Variants in MAGI1 observed in about 807,000 individuals in gnomAD.
The protein encoded by MAGI1 is membrane-associated guanylate kinase, WW and PDZ domain-containing protein 1.
MAGI1 carries 58 observed loss-of-function variants against 139.9 expected under a neutral mutation model. That is an observed-to-expected ratio of 0.41 (90% CI 0.34 to 0.52). The LOEUF (loss-of-function observed/expected upper bound fraction) is 0.52, where lower values mean the gene tolerates loss of function less well. Ranked by LOEUF, MAGI1 falls within the 20% of genes least tolerant of loss-of-function variation. MAGI1 has a pLI of 0.12. For missense variants in MAGI1, 1,874 were observed against 1,901.6 expected, an observed-to-expected ratio of 0.99 and a Z score of 0.27; for synonymous variants, 812 against 737.9, an observed-to-expected ratio of 1.10 and a Z score of -1.63.
At chr3:65,835,552 G>C (rs1050034464) in intron 1 of MAGI1, among the ~76,000 whole-genome samples, 1 of 150,848 alleles carries the variant, frequency 6.6e-6, no homozygotes, top group East Asian at 2.0e-4. Flanking sequence ...TTAACAAATA[G>C]AACTCATGAG....
At chr3:65,826,983 G>T (rs2042262352) in intron 1 of MAGI1, among the ~76,000 whole-genome samples, 1 of 138,610 alleles carries the variant, frequency 7.2e-6, no homozygotes, top group African/African-American at 2.7e-5. Context: ...ATATGAATTT[G>T]TGCCACCATC....
At chr3:65,466,335 C>T (rs576926103) in intron 5 of MAGI1, among the ~76,000 whole-genome samples, 1 of 152,142 alleles carries the variant, frequency 6.6e-6, no homozygotes, top group African/African-American at 2.4e-5. Context: ...TTTGGTATTA[C>T]ATTATAGGGG....
In MAGI1 at chr3:65,485,876, T is replaced by C. The variant is rs149116675; in HGVS notation, c.551-7078A>G. 2.6e-5 allele frequency among the ~76,000 whole-genome samples: 4 copies of C among 152,326 alleles called. No individual in the cohort carries two copies. In the South Asian group the frequency reaches 8.3e-4, roughly 32 times the overall value. On this transcript the variant is annotated intron_variant, in intron 3 of 22. Transcript: ENST00000402939. The stretch of plus-strand genomic sequence containing the variant: ...TCTACACTTTTAACTCCAGGAATAT[T>C]TGGGGATCTCTAAGCAGGGAATTAA...
intron 1 of MAGI1, among the ~76,000 whole-genome samples, chr3:65,683,715 G>A (rs574816528): frequency 2.0e-5 from 3 of 149,706 alleles, no homozygotes; most frequent in Non-Finnish European, 3.0e-5. Flanking sequence ...AACATCATTC[G>A]GCATTAGGAA....
At position 65,923,516 on chromosome 3, in the gene MAGI1, C is replaced by T. The variant is rs975500622; in HGVS notation, c.313+114480G>A. Among the ~76,000 whole-genome samples the T allele has an allele frequency of 1.0e-3, 154 of 152,222 alleles. 1 individual carries two copies. Among genetic ancestry groups the T allele is most frequent in the Admixed American group, 8.4e-3 (128 of 15,288 alleles). ...CTGGGATTACAGGCATGAGCCACCA[C>T]GCCTGGCCTCAATAAACATCTTAAA... On this transcript the variant is annotated intron_variant, in intron 1 of 22. Coordinates refer to ENST00000402939, the MANE Select transcript of MAGI1 (RefSeq NM_001033057.2).
At chr3:65,932,068 G>A (rs564768886) in intron 1 of MAGI1, among the ~76,000 whole-genome samples, 14 of 152,194 alleles carry the variant, frequency 9.2e-5, no homozygotes, top group Admixed American at 2.0e-4. Context: ...AAATCGTATC[G>A]AGTTTTCTAA....
intron 2 of MAGI1, among the ~76,000 whole-genome samples, chr3:65,559,588 C>T (rs2080242314): frequency 6.6e-6 from 1 of 152,178 alleles, no homozygotes; most frequent in African/African-American, 2.4e-5. Flanking sequence ...CCAGGGGCTA[C>T]ACTATGTGAT....
chr3:65,576,044 T>C lies in MAGI1; in HGVS notation c.430+45928A>G, dbSNP rs1175465012. Among the ~76,000 whole-genome samples, 3 of 152,196 alleles carry C rather than the reference T, an allele frequency of 2.0e-5. No homozygotes were observed. The South Asian group carries it at 6.2e-4, about 32-fold the overall frequency. On this transcript the variant is annotated intron_variant, in intron 2 of 22. Transcript: ENST00000402939. The stretch of plus-strand genomic sequence containing the variant: ...CTTATCAAATCATACATTCTAAGCA[T>C]GGACAGGATATTGTATATTAATTCT...
intron 3 of MAGI1, among the ~76,000 whole-genome samples, chr3:65,490,514 G>A (rs1951927883): frequency 6.6e-6 from 1 of 152,084 alleles, no homozygotes; most frequent in Non-Finnish European, 1.5e-5. Flanking sequence ...CAGCTTTTAA[G>A]AGTCAATATA....
chr3:65,970,765 G>C (rs1463658619), intron 1 of MAGI1, among the ~76,000 whole-genome samples: 2 of 152,174 alleles, frequency 1.3e-5, no homozygotes, highest in Non-Finnish European at 2.9e-5. Context: ...TTGTTACACA[G>C]CATGTTTATA....
chr3:65,938,126 T>C (rs2063149286), intron 1 of MAGI1, among the ~76,000 whole-genome samples: 1 of 151,940 alleles, frequency 6.6e-6, no homozygotes, highest in Non-Finnish European at 1.5e-5. Flanking sequence ...AAGAACATTC[T>C]TCAATTACCT....
chr3:65,583,266 T>C (rs904089343), intron 2 of MAGI1, among the ~76,000 whole-genome samples: 43 of 152,224 alleles, frequency 2.8e-4, no homozygotes, highest in African/African-American at 1.0e-3. Context: ...AGATTTACAC[T>C]ATTTAAGGAT....
chr3:65,901,402 C>T (rs2061228301), intron 1 of MAGI1, among the ~76,000 whole-genome samples: 1 of 152,176 alleles, frequency 6.6e-6, no homozygotes, highest in African/African-American at 2.4e-5. Flanking sequence ...GAGATATGAG[C>T]GTTGTTTTTA....
chr3:65,786,449 G>T (rs1292888691), intron 1 of MAGI1, among the ~76,000 whole-genome samples: 1 of 151,718 alleles, frequency 6.6e-6, no homozygotes, highest in Non-Finnish European at 1.5e-5. Context: ...TGGGTCTACA[G>T]GCATGCGCCA....
chr3:65,419,447 C>T (rs1008698903), intron 12 of MAGI1, among the ~76,000 whole-genome samples: 1 of 152,170 alleles, frequency 6.6e-6, no homozygotes, highest in Non-Finnish European at 1.5e-5. Context: ...ATTGATTTCA[C>T]AGCCCAGTAA....
intron 4 of MAGI1, among the ~76,000 whole-genome samples, chr3:65,478,126 T>C (rs1326878168): frequency 6.6e-6 from 1 of 152,166 alleles, no homozygotes; most frequent in African/African-American, 2.4e-5. Context: ...ATATCTCTGC[T>C]TTCAAAGATA....
At chr3:65,478,431 A>G (rs1044383430) in intron 4 of MAGI1, among the ~76,000 whole-genome samples, 161 bp downstream of exon 4, 1 of 152,214 alleles carries the variant, frequency 6.6e-6, no homozygotes, top group Non-Finnish European at 1.5e-5. Context: ...AAGACCAGGG[A>G]AAGGACCATC....
rs28697987 is a variant in MAGI1 at position 66,027,993 on chromosome 3, C to T, written c.313+10003G>A. Among the ~76,000 whole-genome samples, 290 of 152,322 alleles carry T rather than the reference C, an allele frequency of 1.9e-3. 4 individuals are homozygous for T. The highest frequency in any genetic ancestry group is 0.017 in the Admixed American group (258 of 15,306). Reference sequence around the variant, plus strand: ...GATTCAGAGGCACTAACTGACGTACCTCCATTTCTCAGCTGAAAATATCAC... The same window carrying T: ...GATTCAGAGGCACTAACTGACGTACTTCCATTTCTCAGCTGAAAATATCAC... On this transcript the variant is annotated intron_variant, in intron 1 of 22. Transcript: ENST00000402939.
intron 8 of MAGI1, among the ~76,000 whole-genome samples, chr3:65,442,577 T>A (rs1397983459): frequency 6.6e-6 from 1 of 152,196 alleles, no homozygotes; most frequent in Non-Finnish European, 1.5e-5. Context: ...ACAAAAGACA[T>A]GGATCCTGCC....
Sources: allele counts gnomAD v4.1 joint callset (sites outside exome capture counted in the v4.1 genomes callset), GRCh38; gene constraint gnomAD v4.1.1; transcripts MANE v1.5; gene names NCBI Gene and HGNC (gene_info 2026-07-23, HGNC 2026-07-21).